NEK10: variants seen among roughly 807,000 people sequenced by gnomAD.
The protein encoded by NEK10 is NIMA related kinase 10.
Under a neutral mutation model 159.8 loss-of-function variants are expected in NEK10, and 122 were observed. That is an observed-to-expected ratio of 0.76 (90% CI 0.66 to 0.89). The LOEUF is 0.89. NEK10 is among the 40% of genes least tolerant of loss of function. The probability of loss-of-function intolerance (pLI) is 0.00; values close to 1 mark genes in which losing one functional copy is unlikely to be tolerated. For synonymous variants in NEK10, 466 were observed against 457.1 expected (o/e 1.02, Z -0.25); for missense variants, 1,342 against 1,323.1 (o/e 1.01, Z -0.22).
At position 27,189,202 on chromosome 3, in the gene NEK10, A is replaced by T. The variant is rs567201962; in HGVS notation, c.2505+2827T>A. 3.3e-5 allele frequency among the ~76,000 whole-genome samples: 5 copies of T among 152,238 alleles called. No individual in the cohort carries two copies. The East Asian group carries it at 9.6e-4, about 29-fold the overall frequency. ...TGGGTAAACCACAGTACATAGAGTGAACTTTTTAGTGAAGACTTCTCTGTT... is the reference window on the plus strand; with the variant it reads ...TGGGTAAACCACAGTACATAGAGTGTACTTTTTAGTGAAGACTTCTCTGTT... On this transcript the variant is annotated intron_variant, in intron 26 of 35. Transcript: ENST00000691995.
chr3:27,277,674 C>A (rs769846496), intron 22 of NEK10, among the ~76,000 whole-genome samples: 1 of 152,156 alleles, frequency 6.6e-6, no homozygotes, highest in Non-Finnish European at 1.5e-5. Context: ...ACCAAAAGAT[C>A]CCTAAGGCAC....
At chr3:27,263,804 G>T (rs1055793126) in intron 22 of NEK10, among the ~76,000 whole-genome samples, 1 of 152,020 alleles carries the variant, frequency 6.6e-6, no homozygotes, top group South Asian at 2.1e-4. Flanking sequence ...GCTCATGCTC[G>T]GTGCACTGCA....
At chr3:27,270,717 G>A (rs1305833354) in intron 22 of NEK10, among the ~76,000 whole-genome samples, 1 of 152,000 alleles carries the variant, frequency 6.6e-6, no homozygotes, top group South Asian at 2.1e-4. Flanking sequence ...AATATCTAAA[G>A]TTGCCATCAC....
intron 3 of NEK10, among the ~76,000 whole-genome samples, chr3:27,348,272 A>G (rs1364806734): frequency 6.6e-6 from 1 of 152,146 alleles, no homozygotes; most frequent in Non-Finnish European, 1.5e-5. Context: ...TGCAAGAGAG[A>G]AATTAGCCAG....
At chr3:27,135,145 AC>A (rs1186901373) in intron 31 of NEK10, among the ~76,000 whole-genome samples, 2 of 152,178 alleles carry the variant, frequency 1.3e-5, no homozygotes, top group Non-Finnish European at 2.9e-5. Flanking sequence ...TCAGCCAGGC[AC>A]GGTGGTTCAT....
chr3:27,339,329 A>C (rs545645042), intron 5 of NEK10, among the ~76,000 whole-genome samples: 3 of 152,358 alleles, frequency 2.0e-5, no homozygotes, highest in Non-Finnish European at 4.4e-5. Flanking sequence ...CAGAATCTAC[A>C]AGAAATTTAA....
chr3:27,284,579 A>T (rs1203183699), intron 22 of NEK10, 23 bp downstream of exon 22: 4 of 1,340,182 alleles, frequency 3.0e-6, no homozygotes, highest in Non-Finnish European at 3.2e-6. Context: ...TTCAGTTAAA[A>T]GTTTAAAAAT....
chr3:27,331,262 A>AAAAAAAAAAAAAAAAAAAAC lies in NEK10; in HGVS notation c.363-9002_363-9001insGTTTTTTTTTTTTTTTTTTT. 1.3e-3 allele frequency among the ~76,000 whole-genome samples: 140 copies of AAAAAAAAAAAAAAAAAAAAC among 110,092 alleles called. 36 individuals are homozygous for AAAAAAAAAAAAAAAAAAAAC. The highest frequency in any genetic ancestry group is 0.014 in the Middle Eastern group (2 of 148). The allele number at this position is 110,092 out of a possible 152,430, so 72.2% of individuals were successfully genotyped here. On this transcript the variant is annotated intron_variant, in intron 5 of 35. Transcript: ENST00000691995. Reference sequence around the variant, plus strand: ...CAAAAAAAAAAAAACAAAAAAAAAAAACACACAAACCTAAGACTTTTGAGG... The same window carrying AAAAAAAAAAAAAAAAAAAAC: ...CAAAAAAAAAAAAACAAAAAAAAAAAAAAAAAAAAAAAAAAAAAACACACACAAACCTAAGACTTTTGAGG...
chr3:27,143,680 T>C (rs1160567488), intron 30 of NEK10, among the ~76,000 whole-genome samples: 1 of 152,154 alleles, frequency 6.6e-6, no homozygotes, highest in Non-Finnish European at 1.5e-5. Flanking sequence ...CATGCCCCTA[T>C]AAAAACAAGC....
At chr3:27,293,231 C>G (rs1247516017) in intron 16 of NEK10, among the ~76,000 whole-genome samples, 2 of 152,146 alleles carry the variant, frequency 1.3e-5, no homozygotes, top group Non-Finnish European at 2.9e-5. Context: ...GATTGACTTT[C>G]AAATTTCTAG....
chr3:27,201,769 T>C (rs948236254), intron 24 of NEK10, among the ~76,000 whole-genome samples, 189 bp from the exon 25 acceptor site: 6 of 152,220 alleles, frequency 3.9e-5, no homozygotes, highest in Admixed American at 2.0e-4. Context: ...AATTATATTA[T>C]CCAAGCTGAG....
intron 26 of NEK10, among the ~76,000 whole-genome samples, chr3:27,177,285 T>C (rs1232463047): frequency 2.0e-5 from 3 of 152,180 alleles, no homozygotes; most frequent in Non-Finnish European, 4.4e-5. Flanking sequence ...GGCTCACTCC[T>C]GCAATTCCAG....
At chr3:27,142,912 T>C (rs948926122) in intron 30 of NEK10, among the ~76,000 whole-genome samples, 1 of 152,224 alleles carries the variant, frequency 6.6e-6, no homozygotes, top group Non-Finnish European at 1.5e-5. Context: ...GTTAATACCT[T>C]GTTTAAATGT....
chr3:27,192,388 G>A (rs533795650), intron 25 of NEK10, 146 bp from the exon 26 acceptor site: 2 of 639,072 alleles, frequency 3.1e-6, no homozygotes, highest in Non-Finnish European at 5.5e-6. Flanking sequence ...ATCAAGCACA[G>A]CTTTGAGTCC....
intron 30 of NEK10, among the ~76,000 whole-genome samples, chr3:27,152,484 C>A (rs183817769): frequency 1.3e-5 from 2 of 152,188 alleles, no homozygotes; most frequent in East Asian, 3.9e-4. Flanking sequence ...ACAGGAACTG[C>A]TAAAAGGAGC....
At chr3:27,188,139 G>T (rs961065267) in intron 26 of NEK10, among the ~76,000 whole-genome samples, 2 of 152,076 alleles carry the variant, frequency 1.3e-5, no homozygotes, top group South Asian at 4.1e-4. Flanking sequence ...TGCACTTAAC[G>T]TTATTCTTTT....
intron 23 of NEK10, among the ~76,000 whole-genome samples, chr3:27,219,003 A>G (rs1951831109): frequency 1.3e-5 from 2 of 152,238 alleles, no homozygotes; most frequent in South Asian, 4.1e-4. Flanking sequence ...CAAGAAGGGT[A>G]AGAGATTTTC....
chr3:27,273,399 C>G lies in NEK10; in HGVS notation c.2014+11203G>C, dbSNP rs116323039. ...TTAAGAGATGACCTCTAGAAGTAGACATGGTTCATTGCTGACACTGTCAAT... is the reference window on the plus strand; with the variant it reads ...TTAAGAGATGACCTCTAGAAGTAGAGATGGTTCATTGCTGACACTGTCAAT... On this transcript the variant is annotated intron_variant, in intron 22 of 35. Coordinates refer to ENST00000691995, the MANE Select transcript of NEK10 (RefSeq NM_001394966.1). 4.4e-3 allele frequency among the ~76,000 whole-genome samples: 673 copies of G among 152,282 alleles called. 2 individuals carry two copies. Among genetic ancestry groups the G allele is most frequent in the African/African-American group, 0.015 (619 of 41,562 alleles).
At chr3:27,268,276 A>G (rs1477867705) in intron 22 of NEK10, among the ~76,000 whole-genome samples, 2 of 152,248 alleles carry the variant, frequency 1.3e-5, no homozygotes, top group Non-Finnish European at 2.9e-5. Context: ...AAGACAGTTG[A>G]TGAAGGTAGC....
Sources: gnomAD v4.1 joint callset for allele counts (sites outside exome capture counted in the v4.1 genomes callset) on GRCh38, gnomAD v4.1.1 for gene constraint, MANE v1.5 for transcripts, NCBI Gene and HGNC (gene_info 2026-07-23, HGNC 2026-07-21) for gene names.